RAD51B: variants seen among roughly 807,000 people sequenced by gnomAD.
The protein encoded by RAD51B is RAD51 paralog B, also known as DNA repair protein RAD51 homolog 2.
In RAD51B, 38 loss-of-function variants were observed where a neutral mutation model predicts 42.2. The observed-to-expected ratio is 0.90, with a 90% confidence interval of 0.70 to 1.18. The LOEUF is 1.18. RAD51B is among the 50% of genes most tolerant of loss of function. The pLI is 0.00. For synonymous variants in RAD51B, 154 were observed against 145.2 expected, an observed-to-expected ratio of 1.06 and a Z score of -0.43; for missense variants, 373 against 400.7, an observed-to-expected ratio of 0.93 and a Z score of 0.59.
intron 9 of RAD51B, among the ~76,000 whole-genome samples, chr14:68,419,591 C>G (rs1309051062): frequency 6.6e-6 from 1 of 152,158 alleles, no homozygotes; most frequent in Non-Finnish European, 1.5e-5. Flanking sequence ...TCCTTATAGA[C>G]AACATCCTGC....
rs76492797 is a variant in RAD51B at position 68,489,675 on chromosome 14, G to A, written c.1036+21425G>A. 5.7e-4 allele frequency among the ~76,000 whole-genome samples: 87 copies of A among 152,318 alleles called. 1 individual carries two copies. Among genetic ancestry groups the A allele is most frequent in the East Asian group, 5.2e-3 (27 of 5,190 alleles). The stretch of plus-strand genomic sequence containing the variant: ...TTTCTATGTTCCTATTCCCACAGAT[G>A]AGGCACAGCCTTTCCCAGTGCAGGG... On this transcript the variant is annotated intron_variant, in intron 10 of 10. Transcript: ENST00000487270.
intron 10 of RAD51B, chr14:68,563,873 T>G: frequency 2.0e-6 from 2 of 985,506 alleles, no homozygotes; most frequent in African/African-American, 3.5e-5. Context: ...CTGGCAAGCC[T>G]GTGCTCTGCA....
Position 67,887,192 on chromosome 14 carries a change from G to A in RAD51B, c.744G>A (p.Glu248=). The A allele has an allele frequency of 1.2e-6, 2 of 1,606,862 alleles. No individual in the cohort carries two copies. The highest frequency in any genetic ancestry group is 1.7e-6 in the Non-Finnish European group (2 of 1,176,852). ...CCTCCTTGAAGTATTTGGCTGAGGA[G>A]TTTTCAATCCCAGTAAGTTTTTCTT... is the stretch of plus-strand genomic sequence containing the variant. The part of the protein sequence containing the change: ...EASSLKYLAE[E]FSIPVILTNQ... Residue 248 remains glutamate (E), a synonymous_variant, in exon 7 of 11, where the codon GAG becomes GAA. Coordinates refer to ENST00000471583, the MANE Select transcript of RAD51B (RefSeq NM_133510.4).
intron 10 of RAD51B, among the ~76,000 whole-genome samples, chr14:68,558,551 A>C (rs1338195572): frequency 1.3e-5 from 2 of 151,494 alleles, no homozygotes; most frequent in African/African-American, 4.9e-5. Flanking sequence ...GGTGGCCGGC[A>C]CTCCTCCACA....
At chr14:67,933,560 C>T (rs2044821579) in intron 7 of RAD51B, among the ~76,000 whole-genome samples, 1 of 152,162 alleles carries the variant, frequency 6.6e-6, no homozygotes, top group Non-Finnish European at 1.5e-5. Flanking sequence ...TGGATTGCTG[C>T]AGTCCACAGT....
chr14:68,021,065 A>AC (rs777239264), intron 7 of RAD51B, among the ~76,000 whole-genome samples: 4 of 152,222 alleles, frequency 2.6e-5, no homozygotes, highest in East Asian at 1.9e-4. Flanking sequence ...GAAACTGAAT[A>AC]CCCCCCTGGG....
intron 7 of RAD51B, among the ~76,000 whole-genome samples, chr14:68,270,177 C>G (rs1018306485): frequency 1.3e-5 from 2 of 152,224 alleles, no homozygotes; most frequent in Admixed American, 6.5e-5. Context: ...GCCCTGCGAT[C>G]CAGCCCAAAA....
chr14:68,016,015 A>G (rs765219410), intron 7 of RAD51B, among the ~76,000 whole-genome samples: 4 of 152,122 alleles, frequency 2.6e-5, no homozygotes, highest in African/African-American at 7.2e-5. Context: ...ATCATTTTGT[A>G]TCTTGTTAAA....
chr14:68,095,464 G>GA (rs367944445), intron 7 of RAD51B, among the ~76,000 whole-genome samples: 3 of 150,766 alleles, frequency 2.0e-5, no homozygotes, highest in Non-Finnish European at 3.0e-5. Flanking sequence ...TTATGGGTAT[G>GA]AAAAAAAAAG....
chr14:68,182,285 C>T (rs2079073292), intron 7 of RAD51B, among the ~76,000 whole-genome samples: 1 of 152,226 alleles, frequency 6.6e-6, no homozygotes, highest in Non-Finnish European at 1.5e-5. Flanking sequence ...CTGCTGTAAG[C>T]ATTTCAGTTT....
At chr14:68,285,363 G>A (rs1595660719) in intron 7 of RAD51B, among the ~76,000 whole-genome samples, 4 of 152,178 alleles carry the variant, frequency 2.6e-5, no homozygotes, top group Admixed American at 2.6e-4. Context: ...TTTTAAAGCT[G>A]TGCCTTAAGC....
At chr14:67,887,308 A>G (rs2043091134) in intron 7 of RAD51B, 104 bp downstream of exon 7, 1 of 1,034,420 alleles carries the variant, frequency 9.7e-7, no homozygotes, top group South Asian at 1.7e-5. Context: ...AGGAAAATGT[A>G]AAACAGATGA....
At chr14:67,852,497 T>C (rs1247358394) in intron 4 of RAD51B, among the ~76,000 whole-genome samples, 1 of 152,200 alleles carries the variant, frequency 6.6e-6, no homozygotes, top group Non-Finnish European at 1.5e-5. Flanking sequence ...AACCTTTCCA[T>C]AGGACTGCTT....
chr14:67,894,119 C>G (rs1595072553), intron 7 of RAD51B, among the ~76,000 whole-genome samples: 1 of 152,314 alleles, frequency 6.6e-6, no homozygotes, highest in East Asian at 1.9e-4. Context: ...CAATATCTGA[C>G]TCATAGGGCT....
intron 11 of RAD51B, among the ~76,000 whole-genome samples, chr14:68,668,054 C>T (rs1744736601): frequency 6.6e-6 from 1 of 152,220 alleles, no homozygotes. Context: ...AATCCTTGTG[C>T]TGTCCATGAA....
chr14:68,634,306 A>G (rs1252434337), intron 10 of RAD51B, among the ~76,000 whole-genome samples: 1 of 152,166 alleles, frequency 6.6e-6, no homozygotes, highest in East Asian at 1.9e-4. Context: ...TTACTAGTAC[A>G]CCATCCCAAA....
At chr14:67,990,373 A>T (rs913452673) in intron 7 of RAD51B, among the ~76,000 whole-genome samples, 6 of 152,220 alleles carry the variant, frequency 3.9e-5, no homozygotes, top group Non-Finnish European at 5.9e-5. Flanking sequence ...ATTCTGTAAG[A>T]AAAGTGGCTA....
In RAD51B at chr14:67,928,759, G is replaced by C. The variant is rs79566580; in HGVS notation, c.756+41555G>C. 8.8e-3 allele frequency among the ~76,000 whole-genome samples: 1,338 copies of C among 151,680 alleles called. 20 individuals are homozygous for C. The highest frequency in any genetic ancestry group is 0.03 in the African/African-American group (1,260 of 41,338). ...TTTCTGTTAGAAAAGAAATGGTTTG[G>C]GGGTTGCTTCTTACAGGAAAATTTC... On this transcript the variant is annotated intron_variant, in intron 7 of 10. Coordinates refer to ENST00000471583, the MANE Select transcript of RAD51B (RefSeq NM_133510.4).
intron 10 of RAD51B, among the ~76,000 whole-genome samples, chr14:68,646,960 TA>T (rs2140134731): frequency 6.6e-6 from 1 of 152,362 alleles, no homozygotes; most frequent in South Asian, 2.1e-4. Flanking sequence ...GAGGCTATTT[TA>T]TAATTCATTC....
Sources: allele counts gnomAD v4.1 joint callset (sites outside exome capture counted in the v4.1 genomes callset), GRCh38; gene constraint gnomAD v4.1.1; transcripts MANE v1.5; gene names NCBI Gene and HGNC (gene_info 2026-07-23, HGNC 2026-07-21).